CLASP1: variants seen among roughly 807,000 people sequenced by gnomAD.
CLASP1 encodes the protein cytoplasmic linker associated protein 1, also known as CLIP-associating protein 1.
In CLASP1, 38 loss-of-function variants were observed where a neutral mutation model predicts 192.3. The ratio of observed to expected loss-of-function variants is 0.20; its 90% confidence interval spans 0.15 to 0.26. The LOEUF (loss-of-function observed/expected upper bound fraction) is 0.26, where lower values mean the gene tolerates loss of function less well. Among genes scored for constraint, CLASP1 ranks in the 10% least tolerant of loss-of-function variants. The probability of loss-of-function intolerance (pLI) is 1.00; values close to 1 mark genes in which losing one functional copy is unlikely to be tolerated. For missense variants in CLASP1, 1,433 were observed against 1,932.5 expected (o/e 0.74, Z 4.85); for synonymous variants, 691 against 712.8 (o/e 0.97, Z 0.49).
intron 30 of CLASP1, 160 bp from the exon 32 acceptor site, chr2:121,388,066 C>T (rs59567498): frequency 0.046 from 25,982 of 560,172 alleles, 780 homozygotes; most frequent in East Asian, 0.12. Flanking sequence ...ATACCAATCA[C>T]AAGCAGTCTG....
At chr2:121,400,919 T>C (rs1185349250) in intron 28 of CLASP1, among the ~76,000 whole-genome samples, 1 of 152,210 alleles carries the variant, frequency 6.6e-6, no homozygotes, top group South Asian at 2.1e-4. Flanking sequence ...TACTTGCATA[T>C]TGAGGACCCA....
In CLASP1 at chr2:121,515,893, T is replaced by C. The variant is rs1387225307; in HGVS notation, c.547-131A>G. On this transcript the variant is annotated intron_variant, in intron 6 of 39. Coordinates refer to ENST00000263710, the Ensembl canonical transcript of CLASP1. ...AGTGCAACTGTGAATACAATCCTTA[T>C]ATACATTTGTCTAGAGAAAGCCATG... 4 of 688,228 alleles carry C rather than the reference T, an allele frequency of 5.8e-6. No homozygotes were observed. In the East Asian group the frequency reaches 8.2e-5, roughly 14 times the overall value. 42.6% of individuals were successfully genotyped at this position (688,228 alleles called of 1,614,324 possible). A position where few individuals can be genotyped will look rare whatever the true frequency, so the allele number is the denominator to read the frequency against.
chr2:121,464,268 CA>C lies in CLASP1; in HGVS notation c.866-1664del, dbSNP rs1440691091. On this transcript the variant is annotated intron_variant, in intron 9 of 39. Coordinates refer to ENST00000263710, the Ensembl canonical transcript of CLASP1. ...CATTGTTGGACATTTGGGTTGGTTC[CA>C]AGTCTTTGCTATTGTGAATAGTGCC... Among the ~76,000 whole-genome samples, 314 of 151,962 alleles carry C rather than the reference CA, an allele frequency of 2.1e-3. 1 individual carries two copies. Among genetic ancestry groups the C allele is most frequent in the African/African-American group, 7.1e-3 (295 of 41,412 alleles).
intron 1 of CLASP1, among the ~76,000 whole-genome samples, chr2:121,626,439 C>T (rs1266018656): frequency 6.6e-6 from 1 of 152,200 alleles, no homozygotes; most frequent in Non-Finnish European, 1.5e-5. Context: ...AGTTATCATA[C>T]AAATGCTACT....
chr2:121,416,229 C>T (rs1459927395), intron 23 of CLASP1, among the ~76,000 whole-genome samples: 1 of 152,192 alleles, frequency 6.6e-6, no homozygotes, highest in African/African-American at 2.4e-5. Context: ...ACACCCAACA[C>T]TGGAATCCAA....
intron 29 of CLASP1, among the ~76,000 whole-genome samples, 198 bp downstream of exon 30, chr2:121,398,124 T>C (rs757233838): frequency 1.1e-4 from 17 of 152,188 alleles, no homozygotes; most frequent in Non-Finnish European, 2.1e-4. Flanking sequence ...AAGCTAAACA[T>C]GTACTTACCC....
At chr2:121,374,682 T>C (rs1461908818) in intron 34 of CLASP1, among the ~76,000 whole-genome samples, 2 of 152,218 alleles carry the variant, frequency 1.3e-5, no homozygotes, top group African/African-American at 4.8e-5. Context: ...ATGTGAGACA[T>C]GGAGTCAAAG....
At chr2:121,596,586 G>A (rs1014604878) in intron 2 of CLASP1, among the ~76,000 whole-genome samples, 1 of 152,168 alleles carries the variant, frequency 6.6e-6, no homozygotes, top group Non-Finnish European at 1.5e-5. Context: ...GCGGTAACAT[G>A]TGCTCTGTAA....
chr2:121,406,566 C>A (rs923780563), intron 25 of CLASP1, among the ~76,000 whole-genome samples: 15 of 152,092 alleles, frequency 9.9e-5, no homozygotes, highest in African/African-American at 3.1e-4. Context: ...CAGAAGGGAA[C>A]CAAATATGGG....
intron 2 of CLASP1, among the ~76,000 whole-genome samples, chr2:121,575,570 C>T (rs1033686724): frequency 6.6e-6 from 1 of 152,082 alleles, no homozygotes; most frequent in Admixed American, 6.6e-5. Flanking sequence ...TTACACAGTC[C>T]TGTAAAGAGG....
At chr2:121,636,235 C>A (rs1390332296) in intron 1 of CLASP1, among the ~76,000 whole-genome samples, 1 of 151,728 alleles carries the variant, frequency 6.6e-6, no homozygotes, top group Non-Finnish European at 1.5e-5. Flanking sequence ...ACTCGGGAGG[C>A]TGAGGCAGGA....
At chr2:121,521,601 C>T (rs370701726) in intron 6 of CLASP1, among the ~76,000 whole-genome samples, 109 of 152,302 alleles carry the variant, frequency 7.2e-4, no homozygotes, top group African/African-American at 2.5e-3. Context: ...AGCATCCTAG[C>T]CCACACACAC....
chr2:121,351,836 C>T (rs2064497631), intron 37 of CLASP1, among the ~76,000 whole-genome samples: 2 of 152,214 alleles, frequency 1.3e-5, no homozygotes, highest in South Asian at 4.1e-4. Context: ...GAGGACGAAG[C>T]ACTGTAGAGA....
exon 7 of CLASP1, chr2:121,515,688 A>G (rs779152847): frequency 6.2e-7 from 1 of 1,614,014 alleles, no homozygotes; most frequent in South Asian, 1.1e-5. Context: ...ATCCTTTTTT[A>G]CTGAGATCTG....
At chr2:121,597,103 T>C (rs1338064095) in intron 2 of CLASP1, among the ~76,000 whole-genome samples, 1 of 152,206 alleles carries the variant, frequency 6.6e-6, no homozygotes, top group Non-Finnish European at 1.5e-5. Context: ...TGGCACATCA[T>C]ACGTGTTTAA....
chr2:121,362,705 TC>T, intron 37 of CLASP1, among the ~76,000 whole-genome samples: 1 of 152,196 alleles, frequency 6.6e-6, no homozygotes, highest in East Asian at 1.9e-4. Context: ...AAATATCCAT[TC>T]CTATTTTACA....
chr2:121,462,862 G>A (rs1482730529), intron 9 of CLASP1, among the ~76,000 whole-genome samples: 4 of 152,080 alleles, frequency 2.6e-5, no homozygotes, highest in Non-Finnish European at 5.9e-5. Flanking sequence ...AGCAGGGAGG[G>A]TATGGGTTTT....
chr2:121,451,624 G>A (rs745420774), intron 15 of CLASP1, among the ~76,000 whole-genome samples, 166 bp downstream of exon 15: 12 of 152,188 alleles, frequency 7.9e-5, no homozygotes, highest in African/African-American at 2.2e-4. Flanking sequence ...CACTAAAAGC[G>A]TCTGTGAATA....
At chr2:121,636,503 A>C (rs1299364237) in intron 1 of CLASP1, among the ~76,000 whole-genome samples, 1 of 150,682 alleles carries the variant, frequency 6.6e-6, no homozygotes, top group Non-Finnish European at 1.5e-5. Flanking sequence ...ATCTCTACTA[A>C]AAAAATACAA....
Sources: allele counts gnomAD v4.1 joint callset (sites outside exome capture counted in the v4.1 genomes callset), GRCh38; gene constraint gnomAD v4.1.1; transcripts MANE v1.5; gene names NCBI Gene and HGNC (gene_info 2026-07-23, HGNC 2026-07-21).